TENM2: variants seen among roughly 807,000 people sequenced by gnomAD.
The protein encoded by TENM2 is teneurin-2.
A neutral mutation model predicts 245.2 loss-of-function variants in TENM2; 52 were observed. The ratio of observed to expected loss-of-function variants is 0.21; its 90% CI spans 0.17 to 0.27. The LOEUF (loss-of-function observed/expected upper bound fraction) is 0.27, where lower values mean the gene tolerates loss of function less well. Ranked by LOEUF, TENM2 falls within the 10% of genes least tolerant of loss-of-function variation. The pLI, the probability that TENM2 is intolerant of heterozygous loss-of-function variation, is 1.00. For missense variants in TENM2, 3,046 were observed against 3,666.8 expected, an observed-to-expected ratio of 0.83 and a Z score of 4.37; for synonymous variants, 1,363 against 1,438.9, an observed-to-expected ratio of 0.95 and a Z score of 1.19.
intron 2 of TENM2, among the ~76,000 whole-genome samples, chr5:167,731,452 C>T (rs775995046): frequency 8.5e-5 from 13 of 152,082 alleles, no homozygotes; most frequent in Non-Finnish European, 1.5e-4. Flanking sequence ...CTTTATCTTA[C>T]TCTGAACTTC....
At chr5:167,360,066 G>A (rs1230365174) in intron 1 of TENM2, among the ~76,000 whole-genome samples, 1 of 152,156 alleles carries the variant, frequency 6.6e-6, no homozygotes, top group East Asian at 1.9e-4. Context: ...GAACTACTGG[G>A]CACTAGGCTT....
chr5:168,005,289 C>G (rs1784734972), intron 5 of TENM2, among the ~76,000 whole-genome samples: 1 of 152,106 alleles, frequency 6.6e-6, no homozygotes, highest in Non-Finnish European at 1.5e-5. Flanking sequence ...GTTTGTATGA[C>G]TAAGGGATTT....
intron 3 of TENM2, among the ~76,000 whole-genome samples, chr5:167,894,525 C>T (rs1775018125): frequency 6.6e-6 from 1 of 152,116 alleles, no homozygotes; most frequent in Non-Finnish European, 1.5e-5. Flanking sequence ...CAGCCTTGTA[C>T]TTCCTGTTCC....
In TENM2 at chr5:168,253,613, G is replaced by C. The variant is rs113693193; in HGVS notation, c.7432+5242G>C. ...GCTAATTGTTTGTATTTTTAGTAGA[G>C]ACGGGGTTTCACCGTGTTAGCCAGG... On this transcript the variant is annotated intron_variant, in intron 27 of 28. Transcript: ENST00000518659. Among the ~76,000 whole-genome samples the C allele has an allele frequency of 8.2e-3, 1,239 of 151,946 alleles. 8 individuals are homozygous for C. The highest frequency in any genetic ancestry group is 0.012 in the Non-Finnish European group (784 of 67,952).
the TENM2 span, among the ~76,000 whole-genome samples, chr5:167,115,667 G>A: frequency 2.6e-5 from 4 of 152,172 alleles, no homozygotes; most frequent in African/African-American, 7.2e-5. Context: ...ACATGTCCAT[G>A]CATTATTTGG....
At chr5:167,928,091 C>T (rs1360880916) in intron 3 of TENM2, among the ~76,000 whole-genome samples, 1 of 152,152 alleles carries the variant, frequency 6.6e-6, no homozygotes, top group Non-Finnish European at 1.5e-5. Context: ...ACAACTCTTC[C>T]TCCTACTCTT....
intron 9 of TENM2, among the ~76,000 whole-genome samples, chr5:168,108,006 T>C (rs1168562261): frequency 6.6e-6 from 1 of 152,248 alleles, no homozygotes; most frequent in Non-Finnish European, 1.5e-5. Flanking sequence ...TTTAGTTTGG[T>C]ACCTAGGACA....
chr5:168,188,720 A>T (rs1016102710), intron 13 of TENM2, among the ~76,000 whole-genome samples: 19 of 152,204 alleles, frequency 1.2e-4, no homozygotes, highest in African/African-American at 4.3e-4. Flanking sequence ...TTTAAATCGT[A>T]TTGTGTGTTA....
chr5:167,964,556 T>C (rs1781249967), intron 4 of TENM2, among the ~76,000 whole-genome samples: 1 of 152,168 alleles, frequency 6.6e-6, no homozygotes, highest in Non-Finnish European at 1.5e-5. Context: ...AAAACCTCTG[T>C]CCTTATGGAG....
chr5:167,290,250 A>G (rs1309132079), intron 1 of TENM2, among the ~76,000 whole-genome samples: 1 of 152,184 alleles, frequency 6.6e-6, no homozygotes, highest in Non-Finnish European at 1.5e-5. Flanking sequence ...AACTTTGTCC[A>G]TATCCCAGTG....
intron 17 of TENM2, among the ~76,000 whole-genome samples, chr5:168,203,143 C>T (rs1762068554): frequency 1.3e-5 from 2 of 152,250 alleles, no homozygotes; most frequent in African/African-American, 4.8e-5. Flanking sequence ...TGTACTCCTG[C>T]TGGTGCCTGC....
intron 13 of TENM2, among the ~76,000 whole-genome samples, chr5:168,176,525 A>AGCCCTCCCT (rs1330048133): frequency 6.6e-6 from 1 of 152,190 alleles, no homozygotes; most frequent in Non-Finnish European, 1.5e-5. Context: ...TCTTTAGAGA[A>AGCCCTCCCT]GCCCTCCCTG....
At chr5:167,470,407 A>G (rs887702864) in intron 2 of TENM2, among the ~76,000 whole-genome samples, 3 of 144,874 alleles carry the variant, frequency 2.1e-5, no homozygotes, top group African/African-American at 7.7e-5. Flanking sequence ...TGAAATTGTA[A>G]CATGATTCTG....
intron 2 of TENM2, among the ~76,000 whole-genome samples, chr5:167,651,512 C>A (rs1437734692): frequency 6.6e-6 from 1 of 151,092 alleles, no homozygotes; most frequent in Non-Finnish European, 1.5e-5. Context: ...ATTCTCCTCA[C>A]ATGCATGCTA....
chr5:168,073,508 A>T (rs1329302229), intron 7 of TENM2, among the ~76,000 whole-genome samples: 1 of 152,180 alleles, frequency 6.6e-6, no homozygotes, highest in Non-Finnish European at 1.5e-5. Context: ...GCTAATGGGG[A>T]CATACCTTTT....
chr5:167,398,109 A>G (rs1005913076), intron 2 of TENM2, among the ~76,000 whole-genome samples: 1 of 152,146 alleles, frequency 6.6e-6, no homozygotes, highest in African/African-American at 2.4e-5. Flanking sequence ...GGCCATTACT[A>G]TTCCAAGGGC....
chr5:167,370,330 A>G (rs1457293796), intron 1 of TENM2, among the ~76,000 whole-genome samples: 3 of 127,196 alleles, frequency 2.4e-5, no homozygotes, highest in African/African-American at 9.0e-5. Context: ...CGACAGAGTG[A>G]GACTCCGTCT....
At chr5:167,113,904 G>A in the TENM2 span, among the ~76,000 whole-genome samples, 1 of 152,190 alleles carries the variant, frequency 6.6e-6, no homozygotes, top group Non-Finnish European at 1.5e-5. Context: ...ACAACTGTCA[G>A]TTTTGTTCAC....
At chr5:167,252,450 TG>T in the TENM2 span, among the ~76,000 whole-genome samples, 1 of 152,132 alleles carries the variant, frequency 6.6e-6, no homozygotes, top group East Asian at 1.9e-4. Flanking sequence ...CGTTGTCATT[TG>T]GGGGAAGAAG....
Sources: gnomAD v4.1 joint callset for allele counts (sites outside exome capture counted in the v4.1 genomes callset) on GRCh38, gnomAD v4.1.1 for gene constraint, MANE v1.5 for transcripts, NCBI Gene and HGNC (gene_info 2026-07-23, HGNC 2026-07-21) for gene names.